Variants in EYS observed in about 807,000 individuals in gnomAD.
EYS encodes protein eyes shut homolog.
In EYS, 250 loss-of-function variants were observed where a neutral mutation model predicts 282.1. The observed-to-expected ratio is 0.89, with a 90% confidence interval of 0.80 to 0.98. The LOEUF (loss-of-function observed/expected upper bound fraction) is 0.98. Ranked by LOEUF, EYS falls within the 50% of genes least tolerant of loss-of-function variation. The pLI is 0.00. For missense variants in EYS, 4,016 were observed against 3,709.0 expected, an observed-to-expected ratio of 1.08 and a Z score of -2.15; for synonymous variants, 1,355 against 1,282.9, an observed-to-expected ratio of 1.06 and a Z score of -1.20.
chr6:65,295,842 A>G (rs1274005632), intron 12 of EYS, 21 bp downstream of exon 12: 1 of 1,464,864 alleles, frequency 6.8e-7, no homozygotes, highest in Non-Finnish European at 9.1e-7. Flanking sequence ...AATTTAATTT[A>G]TCAGGAAAAA....
At chr6:65,162,911 TTGTGTGTGTGTGTG>T (rs3036015) in intron 12 of EYS, among the ~76,000 whole-genome samples, 9 of 147,288 alleles carry the variant, frequency 6.1e-5, no homozygotes, top group African/African-American at 2.2e-4. Flanking sequence ...CCTGTTCTGT[TTGTGTGTGTGTGTG>T]TGTGTGTGTG....
At chr6:65,392,159 C>T (rs1307297716) in intron 7 of EYS, among the ~76,000 whole-genome samples, 3 of 151,828 alleles carry the variant, frequency 2.0e-5, no homozygotes, top group Admixed American at 1.3e-4. Flanking sequence ...ACACCTTATA[C>T]AAAAATCAAT....
chr6:65,180,539 G>T (rs1765350747), intron 12 of EYS, among the ~76,000 whole-genome samples: 1 of 152,050 alleles, frequency 6.6e-6, no homozygotes. Flanking sequence ...ACAAACCACT[G>T]CTCAACGAAA....
chr6:64,247,067 TTATTA>T (rs1403463280), intron 30 of EYS, among the ~76,000 whole-genome samples: 1 of 152,076 alleles, frequency 6.6e-6, no homozygotes, highest in Non-Finnish European at 1.5e-5. Flanking sequence ...ATGGAAACAT[TTATTA>T]TATTAATTAA....
chr6:64,262,677 G>A (rs993956176), intron 30 of EYS, among the ~76,000 whole-genome samples: 3 of 151,900 alleles, frequency 2.0e-5, no homozygotes, highest in Non-Finnish European at 4.4e-5. Context: ...ACATCTTAAG[G>A]CATATACTAT....
intron 37 of EYS, among the ~76,000 whole-genome samples, chr6:63,791,713 T>C (rs748363675): frequency 6.6e-6 from 1 of 152,082 alleles, no homozygotes; most frequent in Non-Finnish European, 1.5e-5. Flanking sequence ...CAATGAATGA[T>C]GTAAGTATTT....
intron 14 of EYS, among the ~76,000 whole-genome samples, chr6:64,948,230 A>G (rs1769358106): frequency 6.6e-6 from 1 of 151,336 alleles, no homozygotes; most frequent in Admixed American, 6.6e-5. Flanking sequence ...AAGAGAACAA[A>G]AGTGCATAGC....
chr6:65,030,816 T>C lies in EYS; in HGVS notation c.2137+26798A>G, dbSNP rs1298404212. On this transcript the variant is annotated intron_variant, in intron 13 of 42. Coordinates refer to ENST00000503581, the MANE Select transcript of EYS (RefSeq NM_001142800.2). Reference sequence around the variant, plus strand: ...TCCACATATCAATGTTAACCTTGAATGTAAATAGGTAAATGTCTTAGTTAA... The same window carrying C: ...TCCACATATCAATGTTAACCTTGAACGTAAATAGGTAAATGTCTTAGTTAA... Among the ~76,000 whole-genome samples the C allele has an allele frequency of 5.9e-5, 9 of 152,218 alleles. No homozygotes were observed. The South Asian group carries it at 1.5e-3, about 25-fold the overall frequency.
At chr6:65,455,878 G>T (rs867676373) in intron 5 of EYS, among the ~76,000 whole-genome samples, 13 of 151,642 alleles carry the variant, frequency 8.6e-5, no homozygotes, top group Admixed American at 5.9e-4. Context: ...TGAACAGAAT[G>T]AAATACTTCC....
chr6:63,950,194 CA>C (rs563256139), intron 35 of EYS, among the ~76,000 whole-genome samples: 3,258 of 130,488 alleles, frequency 0.025, 97 homozygotes, highest in African/African-American at 0.073. Flanking sequence ...CAAAACAAAA[CA>C]AAAAAAAAAA....
intron 22 of EYS, among the ~76,000 whole-genome samples, chr6:64,652,799 C>A (rs1168514321): frequency 6.6e-6 from 1 of 152,166 alleles, no homozygotes; most frequent in Non-Finnish European, 1.5e-5. Flanking sequence ...ATATGACATA[C>A]TACACACAGC....
rs182090827 is a variant in EYS at position 65,003,880 on chromosome 6, T to A, written c.2138-6177A>T. Among the ~76,000 whole-genome samples the A allele has an allele frequency of 2.4e-4, 36 of 147,700 alleles. 7 individuals carry two copies. The East Asian group carries it at 7.5e-3, about 31-fold the overall frequency. ...TGTTTATTTCTGTTTCTCCTTTTTATGCCTCAGCCACATTCTGTATATAAT... is the reference window on the plus strand; with the variant it reads ...TGTTTATTTCTGTTTCTCCTTTTTAAGCCTCAGCCACATTCTGTATATAAT... On this transcript the variant is annotated intron_variant, in intron 13 of 42. Coordinates refer to ENST00000503581, the MANE Select transcript of EYS (RefSeq NM_001142800.2).
intron 35 of EYS, among the ~76,000 whole-genome samples, chr6:63,880,459 GTCTA>G (rs1322549662): frequency 1.8e-4 from 26 of 140,738 alleles, no homozygotes; most frequent in African/African-American, 7.3e-4. Context: ...TTATATCTCT[GTCTA>G]TCTGTCTGTC....
intron 12 of EYS, among the ~76,000 whole-genome samples, chr6:65,244,756 T>C (rs549755629): frequency 6.6e-6 from 1 of 151,842 alleles, no homozygotes; most frequent in East Asian, 1.9e-4. Flanking sequence ...TCTCCTGACC[T>C]GCTGATCCGC....
chr6:64,767,039 C>A (rs947772045), intron 22 of EYS, among the ~76,000 whole-genome samples: 4 of 151,724 alleles, frequency 2.6e-5, no homozygotes, highest in African/African-American at 9.7e-5. Context: ...TGGGGTTAAC[C>A]TCACTTTATA....
At chr6:65,290,146 G>A (rs1276294980) in intron 12 of EYS, among the ~76,000 whole-genome samples, 1 of 150,680 alleles carries the variant, frequency 6.6e-6, no homozygotes, top group African/African-American at 2.4e-5. Flanking sequence ...ACAACAGACA[G>A]AATAAAAAAT....
intron 14 of EYS, among the ~76,000 whole-genome samples, chr6:64,993,681 C>A (rs1308981584): frequency 1.3e-5 from 2 of 150,008 alleles, no homozygotes; most frequent in East Asian, 4.0e-4. Context: ...ACATATGTAA[C>A]TAACCTGCAC....
chr6:64,761,962 T>G (rs1773174964), intron 22 of EYS, among the ~76,000 whole-genome samples: 1 of 152,172 alleles, frequency 6.6e-6, no homozygotes, highest in South Asian at 2.1e-4. Context: ...GGAGAAAATA[T>G]TCTTGGTGAT....
intron 35 of EYS, among the ~76,000 whole-genome samples, chr6:63,932,088 C>G (rs1443800383): frequency 6.6e-6 from 1 of 152,154 alleles, no homozygotes; most frequent in Non-Finnish European, 1.5e-5. Flanking sequence ...TGAGAATATG[C>G]GGTTCTATGT....
Sources: allele counts gnomAD v4.1 joint callset (sites outside exome capture counted in the v4.1 genomes callset), GRCh38; gene constraint gnomAD v4.1.1; transcripts MANE v1.5; gene names NCBI Gene and HGNC (gene_info 2026-07-23, HGNC 2026-07-21).